COMMD1: variants seen among roughly 807,000 people sequenced by gnomAD.
COMMD1 encodes copper metabolism domain containing 1.
A neutral mutation model predicts 17.2 loss-of-function variants in COMMD1; 10 were observed. The ratio of observed to expected loss-of-function variants is 0.58; its 90% CI spans 0.36 to 0.99. The LOEUF (loss-of-function observed/expected upper bound fraction) is 0.99, where lower values mean the gene tolerates loss of function less well. Ranked by LOEUF, COMMD1 falls within the 50% of genes least tolerant of loss-of-function variation. The pLI, the probability that COMMD1 is intolerant of heterozygous loss-of-function variation, is 0.01. For synonymous variants in COMMD1, 97 were observed against 91.6 expected (o/e 1.06, Z -0.34); for missense variants, 270 against 231.8 (o/e 1.17, Z -1.07).
chr2:61,896,140 A>G (rs1342869736), intron 1 of COMMD1, among the ~76,000 whole-genome samples: 1 of 152,242 alleles, frequency 6.6e-6, no homozygotes, highest in East Asian at 1.9e-4. Context: ...TCAGGTAAAC[A>G]TGACACCATC....
At chr2:62,020,020 T>G (rs764244644) in intron 2 of COMMD1, among the ~76,000 whole-genome samples, 10 of 152,196 alleles carry the variant, frequency 6.6e-5, no homozygotes, top group Non-Finnish European at 1.3e-4. Context: ...GAATTCTCAT[T>G]TATAGCATCA....
chr2:61,989,297 T>C (rs1027002407), intron 1 of COMMD1, among the ~76,000 whole-genome samples: 3 of 152,130 alleles, frequency 2.0e-5, no homozygotes, highest in African/African-American at 4.8e-5. Context: ...GTCTGTAATT[T>C]ATCTTAGGGT....
intron 1 of COMMD1, among the ~76,000 whole-genome samples, chr2:61,932,126 C>T (rs948454772): frequency 3.3e-5 from 5 of 152,360 alleles, no homozygotes; most frequent in African/African-American, 1.2e-4. Flanking sequence ...TCCCAAAGTG[C>T]TGGGATTACA....
chr2:61,913,767 G>C (rs1478862803), intron 1 of COMMD1, among the ~76,000 whole-genome samples: 1 of 137,472 alleles, frequency 7.3e-6, no homozygotes, highest in East Asian at 2.1e-4. Flanking sequence ...CTGCACTCCA[G>C]CCTGGGCAAC....
intron 2 of COMMD1, among the ~76,000 whole-genome samples, chr2:62,081,911 G>A (rs537769177): frequency 6.6e-6 from 1 of 151,924 alleles, no homozygotes; most frequent in Non-Finnish European, 1.5e-5. Context: ...AAACCATTCT[G>A]TTTTGGGTTT....
chr2:61,916,088 A>C (rs1670043649), intron 1 of COMMD1, among the ~76,000 whole-genome samples: 1 of 151,868 alleles, frequency 6.6e-6, no homozygotes, highest in South Asian at 2.1e-4. Flanking sequence ...CTCCCACCTG[A>C]ACCTCGATCT....
intron 2 of COMMD1, among the ~76,000 whole-genome samples, chr2:62,097,930 G>T (rs1672056369): frequency 6.6e-6 from 1 of 152,172 alleles, no homozygotes; most frequent in South Asian, 2.1e-4. Flanking sequence ...TTTTTGAGTT[G>T]TTCTGGTGCC....
intron 1 of COMMD1, among the ~76,000 whole-genome samples, chr2:61,999,030 A>G (rs1265577816): frequency 6.6e-6 from 1 of 152,206 alleles, no homozygotes; most frequent in African/African-American, 2.4e-5. Flanking sequence ...GAAATATGAG[A>G]ATTTTCAAAA....
intron 1 of COMMD1, among the ~76,000 whole-genome samples, chr2:61,948,941 C>A (rs1415419742): frequency 6.6e-6 from 1 of 152,098 alleles, no homozygotes; most frequent in African/African-American, 2.4e-5. Flanking sequence ...CTCAGAGGAG[C>A]CAGCTTGGGA....
intron 1 of COMMD1, among the ~76,000 whole-genome samples, chr2:61,938,262 G>A (rs965141257): frequency 9.3e-5 from 14 of 149,850 alleles, no homozygotes; most frequent in Non-Finnish European, 2.1e-4. Flanking sequence ...AGCTTCCTGG[G>A]CATGCGTATT....
chr2:62,094,646 C>T (rs1671949546), intron 2 of COMMD1, among the ~76,000 whole-genome samples: 1 of 152,050 alleles, frequency 6.6e-6, no homozygotes, highest in Non-Finnish European at 1.5e-5. Flanking sequence ...TGCACTATTA[C>T]CTTAGGAAAG....
intron 2 of COMMD1, among the ~76,000 whole-genome samples, chr2:62,124,197 G>T (rs1472586239): frequency 6.6e-6 from 1 of 152,174 alleles, no homozygotes; most frequent in East Asian, 1.9e-4. Context: ...TACTTGGGAG[G>T]CTGAGGCAGG....
intron 2 of COMMD1, among the ~76,000 whole-genome samples, chr2:62,023,647 C>T (rs566781667): frequency 1.9e-4 from 29 of 152,156 alleles, no homozygotes; most frequent in Non-Finnish European, 3.5e-4. Context: ...CCACGCTTGG[C>T]TAATTTTTTG....
intron 2 of COMMD1, among the ~76,000 whole-genome samples, chr2:62,020,445 G>A (rs1261237014): frequency 6.6e-6 from 1 of 152,088 alleles, no homozygotes. Context: ...TTGCAGCTGT[G>A]TAGATTCCTC....
At chr2:61,946,605 T>C (rs561762759) in intron 1 of COMMD1, among the ~76,000 whole-genome samples, 6 of 152,314 alleles carry the variant, frequency 3.9e-5, no homozygotes, top group African/African-American at 1.2e-4. Context: ...AATTGAACTC[T>C]AGTTTTACTA....
chr2:62,038,925 G>A (rs1010700169), intron 2 of COMMD1, among the ~76,000 whole-genome samples: 1 of 152,048 alleles, frequency 6.6e-6, no homozygotes, highest in Non-Finnish European at 1.5e-5. Context: ...GACAGTTTAT[G>A]TATACTCATA....
intron 2 of COMMD1, among the ~76,000 whole-genome samples, chr2:62,056,830 C>A (rs1359175028): frequency 6.6e-6 from 1 of 152,212 alleles, no homozygotes; most frequent in Non-Finnish European, 1.5e-5. Flanking sequence ...AGAGGATTAA[C>A]TGCTTGACAT....
chr2:62,134,728 T>C (rs1158511646), intron 2 of COMMD1, among the ~76,000 whole-genome samples: 2 of 152,004 alleles, frequency 1.3e-5, no homozygotes, highest in African/African-American at 2.4e-5. Flanking sequence ...CAGTGAGCTA[T>C]GATCATGCCA....
intron 2 of COMMD1, among the ~76,000 whole-genome samples, chr2:62,051,623 T>G (rs1413629525): frequency 2.0e-5 from 3 of 152,192 alleles, no homozygotes; most frequent in Non-Finnish European, 4.4e-5. Flanking sequence ...GTTAGCCCTG[T>G]TGCACTGCTG....
Sources: gnomAD v4.1 joint callset for allele counts (sites outside exome capture counted in the v4.1 genomes callset) on GRCh38, gnomAD v4.1.1 for gene constraint, MANE v1.5 for transcripts, NCBI Gene and HGNC (gene_info 2026-07-23, HGNC 2026-07-21) for gene names.